Variants in MDN1 observed in about 807,000 individuals in gnomAD.
MDN1 encodes the protein midasin.
In MDN1, 266 loss-of-function variants were observed where a neutral mutation model predicts 669.2. That is an observed-to-expected ratio of 0.40 (90% CI 0.36 to 0.44). MDN1 has a LOEUF of 0.44. Among genes scored for constraint, MDN1 ranks in the 20% least tolerant of loss-of-function variants. MDN1 has a pLI of 1.00. For missense variants in MDN1, 5,940 were observed against 6,754.0 expected, an observed-to-expected ratio of 0.88 and a Z score of 4.22; for synonymous variants, 2,385 against 2,457.1, an observed-to-expected ratio of 0.97 and a Z score of 0.87.
chr6:89,762,097 G>A (rs1817574162), intron 16 of MDN1, among the ~76,000 whole-genome samples: 1 of 152,152 alleles, frequency 6.6e-6, no homozygotes, highest in South Asian at 2.1e-4. Flanking sequence ...CTGAGGAAAT[G>A]TGCCTTACTG....
chr6:89,667,925 C>T (rs937090782), intron 84 of MDN1, 89 bp downstream of exon 84: 1 of 1,500,400 alleles, frequency 6.7e-7, no homozygotes, highest in Non-Finnish European at 9.0e-7. Context: ...AAATTATTAA[C>T]CTAGTAAAAA....
Position 89,758,734 on chromosome 6 carries a change from T to A in MDN1, c.2605+82A>T, listed in dbSNP as rs1817382133. On this transcript the variant is annotated intron_variant, in intron 18 of 101. Transcript: ENST00000369393. ...CATTGGGAGGCCCATGTCATCCTTC[T>A]AACAACAACAACAAAAAATCTCACT... The A allele has an allele frequency of 4.1e-6, 6 of 1,477,432 alleles. No individual in the cohort carries two copies. In the Admixed American group the frequency reaches 1.2e-4, roughly 30 times the overall value. The allele number at this position is 1,477,432 out of a possible 1,614,324, so 91.5% of individuals were successfully genotyped here.
Position 89,644,067 on chromosome 6 carries a change from C to A in MDN1, c.16729G>T (p.Glu5577Ter). Residue 5577 changes from glutamate (E) to a stop codon, truncating the protein, a stop_gained, in exon 102 of 102, where the codon GAG (glutamate) becomes TAG (stop). Coordinates refer to ENST00000369393, the MANE Select transcript of MDN1 (RefSeq NM_014611.3). LOFTEE classifies it high-confidence loss of function. Reference protein sequence around the residue: ...IILRDVNALPETLSDALRQWF... With the variant: ...IILRDVNALP The stretch of plus-strand genomic sequence containing the variant: ...TGTCTGAGGGCATCGCTGAGTGTCT[C>A]AGGAAGTGCGTTTACATCTCGAAGA... 1 of 1,614,054 alleles carries A rather than the reference C, an allele frequency of 6.2e-7. No individual in the cohort carries two copies. Among genetic ancestry groups the A allele is most frequent in the Non-Finnish European group, 8.5e-7 (1 of 1,180,008 alleles).
intron 31 of MDN1, among the ~76,000 whole-genome samples, chr6:89,740,825 G>A (rs187530063): frequency 1.8e-4 from 27 of 152,280 alleles, no homozygotes; most frequent in Admixed American, 1.6e-3. Flanking sequence ...TAAGAGAAGA[G>A]AACTTTTATC....
rs779317346 is a variant in MDN1 at position 89,692,842 on chromosome 6, G to A, written c.10188C>T (p.Ala3396=). The A allele has an allele frequency of 4.3e-6, 7 of 1,614,198 alleles. No homozygotes were observed. The highest frequency in any genetic ancestry group is 4.5e-5 in the East Asian group (2 of 44,886). ...ATATGGATGCCTGCAGTGGGCTCACGGCATCTGGATAGAAGGTGTACTCCT... is the reference window on the plus strand; with the variant it reads ...ATATGGATGCCTGCAGTGGGCTCACAGCATCTGGATAGAAGGTGTACTCCT... ...LSEEYTFYPD[A]VSPLQASILQ... Residue 3396 remains alanine, a synonymous_variant, in exon 63 of 102, where the codon GCC becomes GCT. Coordinates refer to ENST00000369393, the MANE Select transcript of MDN1 (RefSeq NM_014611.3).
intron 73 of MDN1, among the ~76,000 whole-genome samples, chr6:89,682,687 G>A (rs1448183152): frequency 6.6e-5 from 8 of 120,682 alleles, no homozygotes; most frequent in South Asian, 6.3e-4. Flanking sequence ...CAGCCTGAGC[G>A]AGACTCTGTC....
chr6:89,760,505 T>G (rs1456354151), intron 17 of MDN1, among the ~76,000 whole-genome samples: 1 of 151,992 alleles, frequency 6.6e-6, no homozygotes, highest in Non-Finnish European at 1.5e-5. Flanking sequence ...GAAAACAATA[T>G]GTCGAAGGGA....
At chr6:89,772,093 G>A (rs551239924) in intron 14 of MDN1, among the ~76,000 whole-genome samples, 34 of 152,016 alleles carry the variant, frequency 2.2e-4, no homozygotes, top group Non-Finnish European at 3.8e-4. Context: ...GCTAGACCTC[G>A]TCTTTACAAA....
At chr6:89,799,691 A>G (rs1489574381) in intron 2 of MDN1, among the ~76,000 whole-genome samples, 1 of 152,250 alleles carries the variant, frequency 6.6e-6, no homozygotes, top group Non-Finnish European at 1.5e-5. Context: ...CTCCAAAGAA[A>G]AAAAGAAAAG....
chr6:89,721,149 G>A (rs1814790346), intron 40 of MDN1, among the ~76,000 whole-genome samples: 1 of 152,182 alleles, frequency 6.6e-6, no homozygotes, highest in Non-Finnish European at 1.5e-5. Flanking sequence ...AAAAAAATAA[G>A]AACAGCTTTT....
chr6:89,790,108 C>A (rs949180283), intron 6 of MDN1, 51 bp downstream of exon 6: 61 of 1,609,326 alleles, frequency 3.8e-5, no homozygotes, highest in Non-Finnish European at 4.8e-5. Context: ...TATTTTAATG[C>A]AAATATTTAC....
intron 2 of MDN1, among the ~76,000 whole-genome samples, chr6:89,798,791 G>A (rs555729952): frequency 2.6e-5 from 4 of 152,270 alleles, no homozygotes; most frequent in African/African-American, 4.8e-5. Context: ...TCTGATGTGT[G>A]CAAGAGAAAA....
intron 58 of MDN1, among the ~76,000 whole-genome samples, 197 bp downstream of exon 58, chr6:89,699,404 A>AT (rs1812984633): frequency 6.6e-6 from 1 of 152,340 alleles, no homozygotes; most frequent in Admixed American, 6.5e-5. Flanking sequence ...TACTCCTGTG[A>AT]TAAGAGTTGT....
rs116213908 is a variant in MDN1 at position 89,694,103 on chromosome 6, G to A, written c.9852C>T (p.Val3284=). The change falls in exon 62 of 102, where the codon GTC becomes GTT. Residue 3284 remains valine (V), a synonymous_variant. Coordinates refer to ENST00000369393, the MANE Select transcript of MDN1 (RefSeq NM_014611.3). ...LQTGRDLEDE[V]VVSYSHPHVR... ...CGTGAGGATGAGAGTAGCTGACAAC[G>A]ACTTCATCTTCCAGGTCTCTTCCAG... The A allele has an allele frequency of 5.6e-6, 9 of 1,614,162 alleles. No homozygotes were observed. The highest frequency in any genetic ancestry group is 2.2e-5 in the East Asian group (1 of 44,886).
chr6:89,662,365 G>A (rs922891058), intron 86 of MDN1, 126 bp from the exon 87 acceptor site: 10 of 935,322 alleles, frequency 1.1e-5, no homozygotes, highest in Non-Finnish European at 1.6e-5. Context: ...CTGATAAAGT[G>A]CCATCCGTGA....
At chr6:89,745,769 C>A in intron 27 of MDN1, 143 bp from the exon 28 acceptor site, 1 of 769,378 alleles carries the variant, frequency 1.3e-6, no homozygotes, top group Non-Finnish European at 2.1e-6. Flanking sequence ...CAGCCTATTA[C>A]AATTAACCAT....
At chr6:89,801,592 G>C (rs1404010519) in intron 2 of MDN1, among the ~76,000 whole-genome samples, 1 of 151,974 alleles carries the variant, frequency 6.6e-6, no homozygotes, top group East Asian at 1.9e-4. Flanking sequence ...AGAGGTTACA[G>C]TGAGCCAAGA....
At chr6:89,644,893 A>C (rs1808387174) in intron 101 of MDN1, 122 bp downstream of exon 101, 1 of 1,074,738 alleles carries the variant, frequency 9.3e-7, no homozygotes, top group Non-Finnish European at 1.3e-6. Flanking sequence ...TACTTGACAG[A>C]ATACTATGAA....
At chr6:89,661,887 C>T (rs1377728188) in intron 87 of MDN1, among the ~76,000 whole-genome samples, 200 bp downstream of exon 87, 2 of 152,174 alleles carry the variant, frequency 1.3e-5, no homozygotes, top group South Asian at 2.1e-4. Context: ...GCCCAGACAA[C>T]ATGTGGACTA....
Sources: gnomAD v4.1 joint callset for allele counts (sites outside exome capture counted in the v4.1 genomes callset) on GRCh38, gnomAD v4.1.1 for gene constraint, MANE v1.5 for transcripts, NCBI Gene and HGNC (gene_info 2026-07-23, HGNC 2026-07-21) for gene names.